BET1: variants seen among roughly 807,000 people sequenced by gnomAD.
The protein encoded by BET1 is BET1 homolog.
In BET1, 9 loss-of-function variants were observed where a neutral mutation model predicts 13.9. That is an observed-to-expected ratio of 0.65 (90% CI 0.39 to 1.13). BET1 has a LOEUF of 1.13. Ranked by LOEUF, BET1 falls within the 50% of genes most tolerant of loss-of-function variation. BET1 has a pLI of 0.01. For synonymous variants in BET1, 39 were observed against 47.3 expected (o/e 0.82, Z 0.72); for missense variants, 127 against 133.6 (o/e 0.95, Z 0.24).
intron 1 of BET1, among the ~76,000 whole-genome samples, chr7:94,003,178 CTTT>C (rs376498261): frequency 1.3e-5 from 2 of 148,786 alleles, no homozygotes; most frequent in Non-Finnish European, 3.0e-5. Context: ...AAAATTATTT[CTTT>C]TTTTTTTCTC....
chr7:93,992,973 G>A (rs1795668216), downstream of BET1: 1 of 985,140 alleles, frequency 1.0e-6, no homozygotes, highest in Admixed American at 6.2e-5. Context: ...AAATAATGAC[G>A]AATGAAGCCA....
intron 4 of BET1, among the ~76,000 whole-genome samples, chr7:93,985,471 T>C (rs1326771020): frequency 6.6e-6 from 1 of 152,198 alleles, no homozygotes; most frequent in Non-Finnish European, 1.5e-5. Flanking sequence ...TGGTTATTAT[T>C]ATTAATCTGT....
chr7:93,999,346 A>G, intron 1 of BET1, 52 bp from the exon 2 acceptor site: 2 of 1,553,010 alleles, frequency 1.3e-6, no homozygotes, highest in Non-Finnish European at 1.7e-6. Flanking sequence ...CTTTTGAAAC[A>G]CTGTTAGTTA....
At chr7:93,999,319 T>A in intron 1 of BET1, 25 bp from the exon 2 acceptor site, 2 of 1,588,714 alleles carry the variant, frequency 1.3e-6, no homozygotes, top group Non-Finnish European at 1.7e-6. Context: ...GTCACAAAGG[T>A]GGTTCTAGAG....
chr7:93,966,906 A>G (rs1226104193), intron 6 of BET1, among the ~76,000 whole-genome samples: 3 of 151,886 alleles, frequency 2.0e-5, no homozygotes, highest in Non-Finnish European at 4.4e-5. Flanking sequence ...AAAGCATCCT[A>G]AATGAGATGT....
At chr7:93,965,822 A>T (rs980569919) in intron 6 of BET1, 20 of 152,184 alleles carry the variant, frequency 1.3e-4, no homozygotes, top group African/African-American at 4.8e-4. Flanking sequence ...TTCTAAGAGA[A>T]GTACTTTATT....
At chr7:93,978,256 G>C (rs1314786476) in intron 4 of BET1, among the ~76,000 whole-genome samples, 1 of 151,992 alleles carries the variant, frequency 6.6e-6, no homozygotes, top group East Asian at 1.9e-4. Context: ...TTTTTGTCGA[G>C]AGGGGTTTTG....
intron 6 of BET1, among the ~76,000 whole-genome samples, chr7:93,968,764 C>T (rs1160882498): frequency 6.6e-6 from 1 of 151,658 alleles, no homozygotes; most frequent in Non-Finnish European, 1.5e-5. Flanking sequence ...GGAGGGAGAA[C>T]TTATATAAAG....
chr7:93,968,288 A>G (rs1795206948), intron 6 of BET1: 1 of 151,858 alleles, frequency 6.6e-6, no homozygotes, highest in Non-Finnish European at 1.5e-5. Flanking sequence ...TTTCTGATTT[A>G]CCAGACAAGA....
intron 3 of BET1, 145 bp from the exon 4 acceptor site, chr7:93,994,530 T>C (rs1795719370): frequency 1.1e-6 from 1 of 901,056 alleles, no homozygotes; most frequent in Non-Finnish European, 1.6e-6. Flanking sequence ...GTTGATAACC[T>C]TGGATAATCA....
At chr7:93,984,001 C>T (rs1189723342) in intron 4 of BET1, among the ~76,000 whole-genome samples, 1 of 152,100 alleles carries the variant, frequency 6.6e-6, no homozygotes. Context: ...AAATTGGTAG[C>T]TGAAAACAAC....
In BET1 at chr7:94,000,107, CTT is replaced by C. The variant is rs11438992; in HGVS notation, c.20-815_20-814del. 3.5e-4 allele frequency among the ~76,000 whole-genome samples: 50 copies of C among 141,626 alleles called. 2 individuals carry two copies. Among genetic ancestry groups the C allele is most frequent in the Admixed American group, 1.9e-3 (27 of 14,244 alleles). The allele number at this position is 141,626 out of a possible 152,430, so 92.9% of individuals were successfully genotyped here. A position where few individuals can be genotyped will look rare whatever the true frequency, so the allele number is the denominator to read the frequency against. On this transcript the variant is annotated intron_variant, in intron 1 of 3. Coordinates refer to ENST00000222547, the MANE Select transcript of BET1 (RefSeq NM_005868.6). ...TAGTTCAGGGTGTTAGTTAACTATA[CTT>C]TTTTTTTTTTTTTGAGGTGGAGTCT...
exon 7 of BET1, chr7:93,963,491 C>G (rs1414929789): frequency 1.2e-4 from 18 of 151,854 alleles, no homozygotes; most frequent in Non-Finnish European, 2.9e-5. Flanking sequence ...TTTTTGTTCT[C>G]TCCACTCAAA....
At chr7:93,976,466 A>C (rs1037615362) in intron 4 of BET1, among the ~76,000 whole-genome samples, 3 of 152,140 alleles carry the variant, frequency 2.0e-5, no homozygotes, top group Non-Finnish European at 4.4e-5. Context: ...ACCTTTTAAC[A>C]TAAGAATGTT....
At chr7:93,997,419 C>G (rs1300006442) in intron 2 of BET1, among the ~76,000 whole-genome samples, 3 of 152,190 alleles carry the variant, frequency 2.0e-5, no homozygotes, top group Non-Finnish European at 4.4e-5. Flanking sequence ...GACATCACAA[C>G]TTTCTTCTAA....
intron 4 of BET1, among the ~76,000 whole-genome samples, chr7:93,977,939 A>C (rs985399226): frequency 1.3e-5 from 2 of 152,098 alleles, no homozygotes; most frequent in Non-Finnish European, 2.9e-5. Context: ...AGGAACCTTC[A>C]ATTCCCCTAC....
intron 4 of BET1, among the ~76,000 whole-genome samples, chr7:93,980,984 C>T (rs1196653218): frequency 6.6e-6 from 1 of 152,118 alleles, no homozygotes; most frequent in East Asian, 1.9e-4. Flanking sequence ...ATCTTAGTAT[C>T]ACTTTTAGTT....
At position 93,993,936 on chromosome 7, in the gene BET1, T is replaced by C. The variant is rs777714003; in HGVS notation, c.*294A>G. On this transcript the variant is annotated 3_prime_UTR_variant, in exon 4 of 4. Coordinates refer to ENST00000222547, the MANE Select transcript of BET1 (RefSeq NM_005868.6). ...CTGCATTTATGATTACAACAAAATATTATAATGCTATTTAATCTGACAGTT... is the reference window on the plus strand; with the variant it reads ...CTGCATTTATGATTACAACAAAATACTATAATGCTATTTAATCTGACAGTT... 9 of 1,535,216 alleles carry C rather than the reference T, an allele frequency of 5.9e-6. No homozygotes were observed. Among genetic ancestry groups the C allele is most frequent in the South Asian group, 1.2e-5 (1 of 83,818 alleles).
At chr7:93,982,501 G>A (rs1173907946) in intron 4 of BET1, among the ~76,000 whole-genome samples, 2 of 152,016 alleles carry the variant, frequency 1.3e-5, no homozygotes, top group African/African-American at 4.8e-5. Flanking sequence ...TACTATGTTG[G>A]GCTTGGATAA....
Sources: gnomAD v4.1 joint callset for allele counts (sites outside exome capture counted in the v4.1 genomes callset) on GRCh38, gnomAD v4.1.1 for gene constraint, MANE v1.5 for transcripts, NCBI Gene and HGNC (gene_info 2026-07-23, HGNC 2026-07-21) for gene names.